Variants in FBXO28 observed in about 807,000 individuals in gnomAD.
The protein encoded by FBXO28 is F-box only protein 28.
FBXO28 carries 8 observed loss-of-function variants against 38.1 expected under a neutral mutation model. That is an observed-to-expected ratio of 0.21 (90% CI 0.12 to 0.38). The LOEUF (loss-of-function observed/expected upper bound fraction) is 0.38, where lower values mean the gene tolerates loss of function less well. Ranked by LOEUF, FBXO28 falls within the 10% of genes least tolerant of loss-of-function variation. The pLI is 1.00. For synonymous variants in FBXO28, 168 were observed against 173.8 expected (o/e 0.97, Z 0.26); for missense variants, 345 against 460.6 (o/e 0.75, Z 2.30).
At chr1:224,138,707 G>C (rs1054987505) in intron 3 of FBXO28, among the ~76,000 whole-genome samples, 1 of 149,774 alleles carries the variant, frequency 6.7e-6, no homozygotes. Flanking sequence ...CAAAACATGT[G>C]GATAGTCTCT....
In FBXO28 at chr1:224,114,168, A is replaced by AGGC; in HGVS notation, c.46_48dup (p.Gly16dup). ...CGGAGGAGCGGATGGCAGAGGAAGG[A>AGGC]GGCGGCGGCCAAGGCGACGGCGGTT... On this transcript the variant is annotated inframe_insertion, in exon 1 of 5. Transcript: ENST00000366862. The AGGC allele has an allele frequency of 6.5e-7, 1 of 1,546,682 alleles. No individual in the cohort carries two copies. Among genetic ancestry groups the AGGC allele is most frequent in the South Asian group, 1.2e-5 (1 of 83,720 alleles).
chr1:224,158,235 A>C lies in FBXO28; in HGVS notation c.*489A>C, dbSNP rs1364252610. On this transcript the variant is annotated 3_prime_UTR_variant, in exon 5 of 5. Coordinates refer to ENST00000366862, the MANE Select transcript of FBXO28 (RefSeq NM_015176.4). The stretch of plus-strand genomic sequence containing the variant: ...TGTCTGGAATGTCTGAAAAGTAGTT[A>C]ATGCTTTTTGGTATTGAAGTAATGG... The C allele has an allele frequency of 1.0e-6, 1 of 986,428 alleles. No individual in the cohort carries two copies. Among genetic ancestry groups the C allele is most frequent in the Non-Finnish European group, 1.2e-6 (1 of 830,544 alleles). The allele number at this position is 986,428 out of a possible 1,614,324, so 61.1% of individuals were successfully genotyped here. A position where few individuals can be genotyped will look rare whatever the true frequency, so the allele number is the denominator to read the frequency against.
chr1:224,123,442 CAAA>C (rs10647785), intron 1 of FBXO28, among the ~76,000 whole-genome samples: 150 of 64,290 alleles, frequency 2.3e-3, no homozygotes, highest in African/African-American at 9.2e-3. Flanking sequence ...GACCCTGTCT[CAAA>C]AAAAAAAAAA....
At chr1:224,142,774 C>T (rs1226103425) in intron 3 of FBXO28, among the ~76,000 whole-genome samples, 1 of 151,968 alleles carries the variant, frequency 6.6e-6, no homozygotes, top group Non-Finnish European at 1.5e-5. Flanking sequence ...CATGGTGAAA[C>T]CCTGTCTCTA....
At position 224,158,010 on chromosome 1, in the gene FBXO28, G is replaced by T; in HGVS notation, c.*264G>T. On this transcript the variant is annotated 3_prime_UTR_variant, in exon 5 of 5. Coordinates refer to ENST00000366862, the MANE Select transcript of FBXO28 (RefSeq NM_015176.4). ...TGAGGAGTTAACTTTTTTCTGTGCA[G>T]ATAATGTTGAAAGTAAGTTAATTTG... The T allele has an allele frequency of 8.3e-7, 1 of 1,207,336 alleles. No individual in the cohort carries two copies. The highest frequency in any genetic ancestry group is 3.9e-5 in the East Asian group (1 of 25,882). 74.8% of individuals were successfully genotyped at this position (1,207,336 alleles called of 1,614,324 possible).
intron 1 of FBXO28, among the ~76,000 whole-genome samples, chr1:224,121,610 C>T (rs1333500182): frequency 2.6e-5 from 4 of 152,090 alleles, no homozygotes; most frequent in African/African-American, 9.7e-5. Flanking sequence ...CTGCCTTGGC[C>T]TCTCTAGGTG....
intron 1 of FBXO28, among the ~76,000 whole-genome samples, chr1:224,119,120 T>C (rs926101671): frequency 1.8e-5 from 1 of 55,490 alleles, no homozygotes; most frequent in Non-Finnish European, 3.6e-5. Context: ...CTCTTGCTGA[T>C]TTTTTCTTTT....
intron 3 of FBXO28, among the ~76,000 whole-genome samples, chr1:224,136,012 C>T (rs377527498): frequency 2.1e-4 from 31 of 151,138 alleles, no homozygotes; most frequent in African/African-American, 6.6e-4. Flanking sequence ...TCCAGCCTGG[C>T]GACAAAGCAA....
At chr1:224,129,372 A>T (rs1431135501) in intron 1 of FBXO28, among the ~76,000 whole-genome samples, 1 of 152,206 alleles carries the variant, frequency 6.6e-6, no homozygotes, top group African/African-American at 2.4e-5. Flanking sequence ...TACAGTGTCT[A>T]ATATAAAGGC....
At chr1:224,153,449 C>A in intron 4 of FBXO28, 112 bp downstream of exon 4, 1 of 711,840 alleles carries the variant, frequency 1.4e-6, no homozygotes, top group African/African-American at 1.8e-5. Context: ...TTATTGGCAG[C>A]ATCATTTTTA....
rs1470660764 is a variant in FBXO28, at chr1:224,159,153, A to G, written c.*1407A>G. 3 of 152,586 alleles carry G rather than the reference A, an allele frequency of 2.0e-5. No individual in the cohort carries two copies. Among genetic ancestry groups the G allele is most frequent in the Non-Finnish European group, 4.4e-5 (3 of 68,026 alleles). 9.5% of individuals were successfully genotyped at this position (152,586 alleles called of 1,614,324 possible). A position where few individuals can be genotyped will look rare whatever the true frequency, so the allele number is the denominator to read the frequency against. ...TTTGACTGTTAAGTTCTTTTAAACA[A>G]CTGTTTCCTTGGGCTTCAGTTATTT... On this transcript the variant is annotated 3_prime_UTR_variant, in exon 5 of 5. Transcript: ENST00000366862.
At chr1:224,119,884 G>A (rs1237783386) in intron 1 of FBXO28, among the ~76,000 whole-genome samples, 1 of 152,178 alleles carries the variant, frequency 6.6e-6, no homozygotes, top group African/African-American at 2.4e-5. Flanking sequence ...TAGATTAGTG[G>A]TCACCTGTCC....
At position 224,161,874 on chromosome 1, in the gene FBXO28, T is replaced by G. The variant is rs1439761046; in HGVS notation, c.*4128T>G. 6.6e-6 allele frequency: 1 copy of G among 152,232 alleles called. No individual in the cohort carries two copies. The highest frequency in any genetic ancestry group is 1.5e-5 in the Non-Finnish European group (1 of 68,036). The allele number at this position is 152,232 out of a possible 1,614,324, so 9.4% of individuals were successfully genotyped here. A position where few individuals can be genotyped will look rare whatever the true frequency, so the allele number is the denominator to read the frequency against. On this transcript the variant is annotated 3_prime_UTR_variant, in exon 5 of 5. Transcript: ENST00000366862. ...AACCTATTCCAAAAGGTTAGAAGTG[T>G]TTAAGATTCCTTTATTGTGGTACCA... is the stretch of plus-strand genomic sequence containing the variant.
Position 224,160,546 on chromosome 1 carries a change from A to G in FBXO28, c.*2800A>G, listed in dbSNP as rs1409792469. ...GATCCTCTGCTTATCTCCCACATGCACTTGGCTTAACTGGTTTTCACAGAT... is the reference window on the plus strand; with the variant it reads ...GATCCTCTGCTTATCTCCCACATGCGCTTGGCTTAACTGGTTTTCACAGAT... On this transcript the variant is annotated 3_prime_UTR_variant, in exon 5 of 5. Coordinates refer to ENST00000366862, the MANE Select transcript of FBXO28 (RefSeq NM_015176.4). 3 of 152,188 alleles carry G rather than the reference A, an allele frequency of 2.0e-5. No individual in the cohort carries two copies. The highest frequency in any genetic ancestry group is 4.8e-5 in the African/African-American group (2 of 41,442). The allele number at this position is 152,188 out of a possible 1,614,324, so 9.4% of individuals were successfully genotyped here.
intron 3 of FBXO28, among the ~76,000 whole-genome samples, chr1:224,142,982 G>C (rs2102627221): frequency 6.6e-6 from 1 of 152,038 alleles, no homozygotes; most frequent in South Asian, 2.1e-4. Context: ...CAGCCTGGGG[G>C]ACAGAAAGAG....
chr1:224,157,178 A>C, intron 4 of FBXO28, among the ~76,000 whole-genome samples, 174 bp from the exon 5 acceptor site: 1 of 152,202 alleles, frequency 6.6e-6, no homozygotes, highest in Admixed American at 6.5e-5. Context: ...ACTCATTTAT[A>C]GTTAAAATAA....
chr1:224,158,246 G>A lies in FBXO28; in HGVS notation c.*500G>A, dbSNP rs534174835. ...TCTGAAAAGTAGTTAATGCTTTTTG[G>A]TATTGAAGTAATGGGTAACTAAAAT... On this transcript the variant is annotated 3_prime_UTR_variant, in exon 5 of 5. Transcript: ENST00000366862. 4 of 985,530 alleles carry A rather than the reference G, an allele frequency of 4.1e-6. No homozygotes were observed. Among genetic ancestry groups the A allele is most frequent in the East Asian group, 2.3e-4 (2 of 8,812 alleles). The allele number at this position is 985,530 out of a possible 1,614,324, so 61.0% of individuals were successfully genotyped here. A position where few individuals can be genotyped will look rare whatever the true frequency, so the allele number is the denominator to read the frequency against.
intron 3 of FBXO28, among the ~76,000 whole-genome samples, chr1:224,137,578 T>G (rs1657226723): frequency 6.6e-6 from 1 of 151,548 alleles, no homozygotes; most frequent in African/African-American, 2.4e-5. Flanking sequence ...ATGGTGAGAT[T>G]AGGGGAGAAG....
rs144419958 is a variant in FBXO28 at position 224,127,271 on chromosome 1, C to T, written c.268-3201C>T. Among the ~76,000 whole-genome samples, 186 of 151,466 alleles carry T rather than the reference C, an allele frequency of 1.2e-3. 1 individual carries two copies. The highest frequency in any genetic ancestry group is 7.8e-3 in the Admixed American group (119 of 15,164). On this transcript the variant is annotated intron_variant, in intron 1 of 4. Coordinates refer to ENST00000366862, the MANE Select transcript of FBXO28 (RefSeq NM_015176.4). ...ATGGAGTTTTCCAGTAGCCACATGA[C>T]GTTTGATGACATGATGGCATCACAC... is the stretch of plus-strand genomic sequence containing the variant.
Sources: gnomAD v4.1 joint callset for allele counts (sites outside exome capture counted in the v4.1 genomes callset) on GRCh38, gnomAD v4.1.1 for gene constraint, MANE v1.5 for transcripts, NCBI Gene and HGNC (gene_info 2026-07-23, HGNC 2026-07-21) for gene names.